Variants in MUC4 observed in about 807,000 individuals in gnomAD.
MUC4 encodes mucin-4.
Under a neutral mutation model 257.9 loss-of-function variants are expected in MUC4, and 202 were observed. The ratio of observed to expected loss-of-function variants is 0.78; its 90% CI spans 0.70 to 0.88. The LOEUF (loss-of-function observed/expected upper bound fraction) is 0.88. Among genes scored for constraint, MUC4 ranks in the 40% least tolerant of loss-of-function variants. The probability of loss-of-function intolerance (pLI) is 0.00; values close to 1 mark genes in which losing one functional copy is unlikely to be tolerated. For missense variants in MUC4, 5,976 were observed against 6,513.7 expected (o/e 0.92, Z 2.84); for synonymous variants, 2,351 against 2,757.1 (o/e 0.85, Z 4.62).
At chr3:195,752,185 G>A (rs933002852) in intron 21 of MUC4, 188 bp downstream of exon 21, 29 of 607,452 alleles carry the variant, frequency 4.8e-5, no homozygotes, top group African/African-American at 4.3e-4. Context: ...ATGATGAGTC[G>A]AGGTTTCTGT....
At chr3:195,793,741 T>G (rs1174780111) in intron 1 of MUC4, among the ~76,000 whole-genome samples, 1 of 152,212 alleles carries the variant, frequency 6.6e-6, no homozygotes, top group African/African-American at 2.4e-5. Flanking sequence ...ACAGTACCCC[T>G]GCTATAAGCC....
chr3:195,757,337 G>C lies in MUC4; in HGVS notation c.14987-9C>G, dbSNP rs754874334. The C allele has an allele frequency of 6.3e-7, 1 of 1,584,748 alleles. No individual in the cohort carries two copies. Among genetic ancestry groups the C allele is most frequent in the Non-Finnish European group, 8.6e-7 (1 of 1,156,826 alleles). On this transcript the variant is annotated splice_polypyrimidine_tract_variant and intron_variant, in intron 17 of 24. Transcript: ENST00000463781. The surrounding 1 kb of genome is among the most constrained non-coding windows in gnomAD (Gnocchi z 4.8). ...CAGCAACGTCCCATTCTCTGCCCCG[G>C]GGAAGATGAGAATGTTGAGAGCTGG...
In MUC4 at chr3:195,780,660, T is replaced by A; in HGVS notation, c.10920A>T (p.Ser3640=). Residue 3640 remains serine, a synonymous_variant, in exon 2 of 25, where the codon TCA becomes TCT. Transcript: ENST00000463781. ...GAGGGGTGGTGTCACCTGTGGATAC[T>A]GAGGAAAGGCTGGTGACAGGAAGAG... ...ATPLPVTSLS[S]VSTGDTTPLL... 1 of 1,517,404 alleles carries A rather than the reference T, an allele frequency of 6.6e-7. No homozygotes were observed. The highest frequency in any genetic ancestry group is 8.8e-7 in the Non-Finnish European group (1 of 1,139,648). The allele number at this position is 1,517,404 out of a possible 1,614,324, so 94.0% of individuals were successfully genotyped here. A position where few individuals can be genotyped will look rare whatever the true frequency, so the allele number is the denominator to read the frequency against.
At chr3:195,773,772 C>T (rs972250346) in intron 4 of MUC4, among the ~76,000 whole-genome samples, 2 of 152,214 alleles carry the variant, frequency 1.3e-5, no homozygotes, top group Non-Finnish European at 2.9e-5. Context: ...CCCTCTCCAT[C>T]GCTCAGTCGC....
chr3:195,793,935 T>TA (rs1266355408), intron 1 of MUC4, among the ~76,000 whole-genome samples: 1 of 151,786 alleles, frequency 6.6e-6, no homozygotes, highest in Non-Finnish European at 1.5e-5. Context: ...AACCACTTTT[T>TA]AAAAAAAAAT....
intron 3 of MUC4, 39 bp from the exon 4 acceptor site, chr3:195,774,344 C>T (rs748979846): frequency 6.1e-6 from 9 of 1,485,142 alleles, no homozygotes; most frequent in Non-Finnish European, 8.0e-6. Context: ...TCCAAGTGGG[C>T]CTGGGCCTTC....
At chr3:195,766,070 C>A (rs1578042082) in intron 8 of MUC4, among the ~76,000 whole-genome samples, 1 of 152,150 alleles carries the variant, frequency 6.6e-6, no homozygotes, top group East Asian at 1.9e-4. Context: ...AAACAATTCT[C>A]CTGCCTCAAC....
In MUC4 at chr3:195,786,099, G is replaced by C. The variant is rs765333985; in HGVS notation, c.5481C>G (p.Val1827=). 5 of 1,541,200 alleles carry C rather than the reference G, an allele frequency of 3.2e-6. No homozygotes were observed. In the Admixed American group the frequency reaches 1.0e-4, roughly 31 times the overall value. ...ASTGDTTPLP[V]TDASSASTGD... ...CTGTGGATGCTGAGGAAGCGTCGGTGACAGGAAGAGGGGTGGTGTCACCTG... is the reference window on the plus strand; with the variant it reads ...CTGTGGATGCTGAGGAAGCGTCGGTCACAGGAAGAGGGGTGGTGTCACCTG... The change falls in exon 2 of 25, where the codon GTC becomes GTG. Residue 1827 remains valine, a synonymous_variant. Coordinates refer to ENST00000463781, the MANE Select transcript of MUC4 (RefSeq NM_018406.7).
rs1302670551 is a variant in MUC4 at position 195,765,008 on chromosome 3, G to A, written c.13913C>T (p.Pro4638Leu). Residue 4638 changes from proline to leucine, a missense_variant, in exon 10 of 25, where the codon CCT (proline) becomes CTT (leucine). Physicochemically the swap from Pro to Leu is moderately conservative, Grantham distance 98. This residue lies in a region of MUC4 where 996 missense variants were observed against 1,137.3 expected (regional missense o/e 0.88). Transcript: ENST00000463781. ...EFREGWHVQR[P>L]WQLAQELEPQ... ...ACGGACTCACGCACCCAACTGCCAAGGACGCTGCACGTGCCAGCCTTCACG... is the reference window on the plus strand; with the variant it reads ...ACGGACTCACGCACCCAACTGCCAAAGACGCTGCACGTGCCAGCCTTCACG... 6.2e-7 allele frequency: 1 copy of A among 1,613,864 alleles called. No homozygotes were observed. The highest frequency in any genetic ancestry group is 1.3e-5 in the African/African-American group (1 of 75,024).
chr3:195,804,747 C>T (rs58895841), intron 1 of MUC4, among the ~76,000 whole-genome samples: 1,908 of 152,338 alleles, frequency 0.013, 51 homozygotes, highest in African/African-American at 0.044. Context: ...GCAGGCGGCC[C>T]GGAAGGCGCG....
rs1732950667 is a variant in MUC4 at position 195,787,969 on chromosome 3, G to T, written c.3611C>A (p.Thr1204Asn). The change falls in exon 2 of 25, where the codon ACC (threonine) becomes AAC (asparagine). Residue 1204 changes from threonine (T) to asparagine (N), a missense_variant. Physicochemically the swap from Thr to Asn is moderately conservative, Grantham distance 65. Transcript: ENST00000463781. ...TCCTGTGGATGCTGAGGAAGTGTCG[G>T]TGACAAGAAGAGGGGTGGCGTGACC... ...STGHATPLLV[T>N]DTSSASTGHA... is the part of the protein sequence containing the mutation. 3 of 1,255,704 alleles carry T rather than the reference G, an allele frequency of 2.4e-6. 1 individual carries two copies. In the South Asian group the frequency reaches 4.0e-5, roughly 17 times the overall value. The allele number at this position is 1,255,704 out of a possible 1,614,324, so 77.8% of individuals were successfully genotyped here.
chr3:195,799,229 C>CTGTGTGTGTG (rs56897401), intron 1 of MUC4, among the ~76,000 whole-genome samples: 163 of 120,180 alleles, frequency 1.4e-3, no homozygotes, highest in African/African-American at 3.2e-3. Context: ...ATGTGTGACA[C>CTGTGTGTGTG]TGTGTGTGTG....
chr3:195,767,907 T>TCACCACCAC (rs1447659178), intron 7 of MUC4, among the ~76,000 whole-genome samples: 10 of 63,318 alleles, frequency 1.6e-4, no homozygotes, highest in Admixed American at 4.3e-4. Flanking sequence ...ATCACCACCA[T>TCACCACCAC]CACCATCGCC....
intron 5 of MUC4, among the ~76,000 whole-genome samples, chr3:195,771,434 T>TCCTGGTCAGTCTCGCGGCC: frequency 7.7e-6 from 1 of 129,340 alleles, no homozygotes; most frequent in Non-Finnish European, 1.7e-5. Flanking sequence ...GTCTCGTGGT[T>TCCTGGTCAGTCTCGCGGCC]GGGTTGGGGT....
intron 3 of MUC4, 56 bp downstream of exon 3, chr3:195,778,247 G>C (rs768615176): frequency 7.2e-6 from 11 of 1,524,288 alleles, no homozygotes; most frequent in Middle Eastern, 2.4e-4. Flanking sequence ...GGCTGAGAGG[G>C]AGCCTTCAGT....
At chr3:195,765,944 C>A (rs922282169) in intron 8 of MUC4, among the ~76,000 whole-genome samples, 4 of 151,980 alleles carry the variant, frequency 2.6e-5, no homozygotes, top group African/African-American at 2.4e-5. Context: ...GAACGTGAGA[C>A]CCCCGGGCCT....
chr3:195,788,934 T>A lies in MUC4; in HGVS notation c.2646A>T (p.Ala882=), dbSNP rs1451551175. Residue 882 remains alanine, a synonymous_variant, in exon 2 of 25, where the codon GCA becomes GCT. Transcript: ENST00000463781. ...FHPTLSEAST[A]GRPTGQSSPT... is the part of the protein sequence containing the mutation. ...GGCTTGACTGTCCTGTCGGTCTCCC[T>A]GCAGTGGAGGCCTCAGAGAGGGTGG... 6.2e-7 allele frequency: 1 copy of A among 1,613,470 alleles called. No individual in the cohort carries two copies. The highest frequency in any genetic ancestry group is 8.5e-7 in the Non-Finnish European group (1 of 1,179,722).
At position 195,811,630 on chromosome 3, in the gene MUC4, T is replaced by TTC. The variant is rs143120396; in HGVS notation, c.82+104_82+105dup. 2.2e-3 allele frequency: 1,929 copies of TTC among 864,402 alleles called. 2 individuals are homozygous for TTC. Among genetic ancestry groups the TTC allele is most frequent in the African/African-American group, 0.011 (670 of 59,748 alleles). The allele number at this position is 864,402 out of a possible 1,614,324, so 53.5% of individuals were successfully genotyped here. ...CTCTTCGCTGTCTCCCTTTCCCCTA[T>TTC]TCTCTCTCTCTCTCTCTCTGTCTCC... is the stretch of plus-strand genomic sequence containing the variant. On this transcript the variant is annotated intron_variant, in intron 1 of 24. Transcript: ENST00000463781.
chr3:195,778,687 C>A (rs779564699), intron 2 of MUC4, 103 bp downstream of exon 2: 1 of 1,381,420 alleles, frequency 7.2e-7, no homozygotes, highest in Non-Finnish European at 9.8e-7. Flanking sequence ...TGACACGGCC[C>A]CACCAGGTAA....
Sources: allele counts gnomAD v4.1 joint callset (sites outside exome capture counted in the v4.1 genomes callset), GRCh38; gene constraint gnomAD v4.1.1; regional missense constraint gnomAD v4.1.1; non-coding constraint Gnocchi (gnomAD v3.1); transcripts MANE v1.5; gene names NCBI Gene and HGNC (gene_info 2026-07-23, HGNC 2026-07-21).